ASAP2: variants seen among roughly 807,000 people sequenced by gnomAD.
ASAP2 encodes arf-GAP with SH3 domain, ANK repeat and PH domain-containing protein 2.
ASAP2 carries 45 observed loss-of-function variants against 131.4 expected under a neutral mutation model. The ratio of observed to expected loss-of-function variants is 0.34; its 90% CI spans 0.27 to 0.44. The LOEUF (loss-of-function observed/expected upper bound fraction) is 0.44. Among genes scored for constraint, ASAP2 ranks in the 20% least tolerant of loss-of-function variants. The pLI is 1.00. For synonymous variants in ASAP2, 510 were observed against 503.0 expected (o/e 1.01, Z -0.19); for missense variants, 1,011 against 1,297.0 (o/e 0.78, Z 3.39).
At chr2:9,374,970 TAA>T (rs61275202) in intron 17 of ASAP2, 26 bp downstream of exon 17, 15,452 of 1,316,704 alleles carry the variant, frequency 0.012, no homozygotes, top group South Asian at 0.022. Flanking sequence ...GTTGCTACTT[TAA>T]AAAAAAAAAA....
chr2:9,318,371 G>T (rs1669941637), intron 3 of ASAP2, among the ~76,000 whole-genome samples, 153 bp from the exon 4 acceptor site: 2 of 152,142 alleles, frequency 1.3e-5, no homozygotes, highest in African/African-American at 4.8e-5. Flanking sequence ...TTGTTACAAA[G>T]AATGTATGAC....
At chr2:9,399,495 G>A (rs1028316460) in intron 24 of ASAP2, 2 of 155,716 alleles carry the variant, frequency 1.3e-5, no homozygotes, top group Non-Finnish European at 2.9e-5. Flanking sequence ...TCACTCATGT[G>A]TTTCTACCTT....
chr2:9,400,675 T>C, intron 25 of ASAP2, 67 bp from the exon 26 acceptor site: 1 of 1,404,922 alleles, frequency 7.1e-7, no homozygotes, highest in African/African-American at 1.4e-5. Context: ...CTGTGGCTTG[T>C]ACATTGTTTA....
intron 1 of ASAP2, among the ~76,000 whole-genome samples, chr2:9,269,044 A>G (rs1052438941): frequency 3.9e-5 from 6 of 152,172 alleles, no homozygotes; most frequent in Non-Finnish European, 7.3e-5. Flanking sequence ...CCTTGAGGCC[A>G]GGGCTCAGCA....
At chr2:9,254,510 C>T (rs1260092652) in intron 1 of ASAP2, among the ~76,000 whole-genome samples, 2 of 141,824 alleles carry the variant, frequency 1.4e-5, no homozygotes, top group South Asian at 2.2e-4. Context: ...GCACCACTAC[C>T]CCCAGCTAAT....
At chr2:9,327,778 C>G (rs756144211) in intron 6 of ASAP2, 48 bp from the exon 7 acceptor site, 1 of 1,427,354 alleles carries the variant, frequency 7.0e-7, no homozygotes, top group Non-Finnish European at 9.6e-7. Context: ...TCCTTTTAAA[C>G]TCGTATTCTG....
chr2:9,260,197 G>A (rs1665482303), intron 1 of ASAP2, among the ~76,000 whole-genome samples: 1 of 152,212 alleles, frequency 6.6e-6, no homozygotes, highest in East Asian at 1.9e-4. Flanking sequence ...GGAACACTGA[G>A]GCCCAGGTGA....
Position 9,405,302 on chromosome 2 carries a change from A to G in ASAP2, c.*1975A>G, listed in dbSNP as rs972805785. On this transcript the variant is annotated 3_prime_UTR_variant, in exon 28 of 28. Transcript: ENST00000281419. ...AAAAAAGCAACTAAGAGAAAGAAAA[A>G]CATTGTAGATATCTATTTATATTTA... 2 of 152,374 alleles carry G rather than the reference A, an allele frequency of 1.3e-5. No homozygotes were observed. The highest frequency in any genetic ancestry group is 4.8e-5 in the African/African-American group (2 of 41,468). 9.4% of individuals were successfully genotyped at this position (152,374 alleles called of 1,614,324 possible). A position where few individuals can be genotyped will look rare whatever the true frequency, so the allele number is the denominator to read the frequency against.
intron 1 of ASAP2, among the ~76,000 whole-genome samples, chr2:9,213,127 G>C (rs1054873024): frequency 2.6e-5 from 4 of 152,224 alleles, no homozygotes; most frequent in African/African-American, 7.2e-5. Flanking sequence ...GCATAACATG[G>C]GGATAGAAAG....
intron 1 of ASAP2, among the ~76,000 whole-genome samples, chr2:9,225,168 G>A (rs1398698254): frequency 6.6e-6 from 1 of 152,222 alleles, no homozygotes; most frequent in Non-Finnish European, 1.5e-5. Flanking sequence ...AACAGAGACC[G>A]TGTATATGCA....
At chr2:9,243,081 C>T (rs1337164265) in intron 1 of ASAP2, among the ~76,000 whole-genome samples, 2 of 152,126 alleles carry the variant, frequency 1.3e-5, no homozygotes, top group Non-Finnish European at 1.5e-5. Flanking sequence ...ATGTTTTGCC[C>T]TAGTGAGCCT....
At position 9,378,961 on chromosome 2, in the gene ASAP2, A is replaced by T. The variant is rs143361746; in HGVS notation, c.1850A>T (p.Gln617Leu). The change falls in exon 19 of 28, where the codon CAG becomes CTG. Residue 617 changes from glutamine to leucine, a missense_variant. Coordinates refer to ENST00000281419, the MANE Select transcript of ASAP2 (RefSeq NM_003887.3). ...LVQNSGNLDK[Q>L]TGKGSTALHY... is the part of the protein sequence containing the mutation. ...TCGGGCAGTGGGAACCTGGATAAAC[A>T]GACAGGGAAAGGCAGCACAGCCCTG... 1.2e-5 allele frequency: 18 copies of T among 1,494,480 alleles called. No individual in the cohort carries two copies. The highest frequency in any genetic ancestry group is 6.5e-5 in the Admixed American group (3 of 46,022). 92.6% of individuals were successfully genotyped at this position (1,494,480 alleles called of 1,614,324 possible). A position where few individuals can be genotyped will look rare whatever the true frequency, so the allele number is the denominator to read the frequency against.
intron 3 of ASAP2, among the ~76,000 whole-genome samples, chr2:9,313,569 T>C (rs6758158): frequency 0.4 from 60,780 of 152,168 alleles, 13,177 homozygotes; most frequent in African/African-American, 0.57. Flanking sequence ...CCCCGCCAGC[T>C]GCCGGACAGC....
At chr2:9,365,531 G>T (rs1310269820) in intron 15 of ASAP2, among the ~76,000 whole-genome samples, 1 of 152,164 alleles carries the variant, frequency 6.6e-6, no homozygotes, top group African/African-American at 2.4e-5. Flanking sequence ...AAAACCTAAA[G>T]CTTCATTTTG....
chr2:9,401,539 C>G, intron 27 of ASAP2, 143 bp downstream of exon 27: 1 of 1,142,250 alleles, frequency 8.8e-7, no homozygotes, highest in Non-Finnish European at 1.2e-6. Context: ...CCTTAGCATC[C>G]TCAGGAGCTG....
chr2:9,284,230 C>T (rs1053460479), intron 2 of ASAP2, among the ~76,000 whole-genome samples: 7 of 152,228 alleles, frequency 4.6e-5, no homozygotes, highest in African/African-American at 1.7e-4. Flanking sequence ...GTCTACCACA[C>T]CTCTCCTGAA....
chr2:9,390,867 G>T lies in ASAP2; in HGVS notation c.2384-195G>T, dbSNP rs1558396526. On this transcript the variant is annotated intron_variant, in intron 22 of 27. Transcript: ENST00000281419. Reference sequence around the variant, plus strand: ...GAGAATAGTCCTTGGAGCCTCTTCGGTTTCGCGAGTATCAGTGTCTATCTT... The same window carrying T: ...GAGAATAGTCCTTGGAGCCTCTTCGTTTTCGCGAGTATCAGTGTCTATCTT... 2.0e-5 allele frequency among the ~76,000 whole-genome samples: 3 copies of T among 152,364 alleles called. No homozygotes were observed. The East Asian group carries it at 5.8e-4, about 29-fold the overall frequency.
At chr2:9,352,183 C>A (rs1410022060) in intron 12 of ASAP2, among the ~76,000 whole-genome samples, 3 of 151,514 alleles carry the variant, frequency 2.0e-5, no homozygotes, top group Admixed American at 6.6e-5. Flanking sequence ...GGTAACATAG[C>A]AAGACCCTAA....
chr2:9,384,656 G>C (rs1055135133), intron 20 of ASAP2, among the ~76,000 whole-genome samples: 3 of 152,256 alleles, frequency 2.0e-5, no homozygotes, highest in Non-Finnish European at 1.5e-5. Flanking sequence ...ATATTGCAAA[G>C]CATACAGATA....
Sources: allele counts gnomAD v4.1 joint callset (sites outside exome capture counted in the v4.1 genomes callset), GRCh38; gene constraint gnomAD v4.1.1; transcripts MANE v1.5; gene names NCBI Gene and HGNC (gene_info 2026-07-23, HGNC 2026-07-21).